Variants in TTLL9 observed in about 807,000 individuals in gnomAD.
TTLL9 encodes probable tubulin polyglutamylase TTLL9.
A neutral mutation model predicts 65.6 loss-of-function variants in TTLL9; 47 were observed. The ratio of observed to expected loss-of-function variants is 0.72; its 90% CI spans 0.57 to 0.91. TTLL9 has a LOEUF of 0.91. Ranked by LOEUF, TTLL9 falls within the 40% of genes least tolerant of loss-of-function variation. The pLI is 0.00. For missense variants in TTLL9, 537 were observed against 568.8 expected (o/e 0.94, Z 0.57); for synonymous variants, 179 against 204.8 (o/e 0.87, Z 1.07).
chr20:31,879,681 G>A, intron 2 of TTLL9: 3 of 742,304 alleles, frequency 4.0e-6, no homozygotes, highest in Non-Finnish European at 4.2e-6. Flanking sequence ...TGAGGAAGTC[G>A]GGGGACCTAG....
chr20:31,903,963 C>A (rs187616656), intron 4 of TTLL9, among the ~76,000 whole-genome samples: 7 of 152,306 alleles, frequency 4.6e-5, no homozygotes, highest in East Asian at 1.9e-4. Context: ...CCTTTTTTAC[C>A]TCAAATATAT....
chr20:31,873,809 G>A (rs2062988677), intron 2 of TTLL9, among the ~76,000 whole-genome samples: 2 of 75,382 alleles, frequency 2.7e-5, no homozygotes, highest in Admixed American at 1.4e-4. Flanking sequence ...AGGAAGGAAG[G>A]AAGGAAGGAA....
intron 7 of TTLL9, 95 bp from the exon 8 acceptor site, chr20:31,922,866 ATT>A: frequency 1.1e-6 from 1 of 947,854 alleles, no homozygotes; most frequent in Admixed American, 1.9e-5. Flanking sequence ...TGATTTAAAG[ATT>A]CAGTGAGCTA....
intron 8 of TTLL9, 96 bp from the exon 9 acceptor site, chr20:31,924,913 G>A: frequency 7.4e-7 from 1 of 1,357,222 alleles, no homozygotes; most frequent in Non-Finnish European, 1.0e-6. Context: ...ATGAAGGCGG[G>A]GTTTCCTGTC....
In TTLL9 at chr20:31,933,816, C is replaced by T. The variant is rs551707579; in HGVS notation, c.765C>T (p.Asn255=). ...GHRRQDVHLT[N]VAVQKTSPDY... The stretch of plus-strand genomic sequence containing the variant: ...CTCTCCCAGATGTTCACCTCACCAA[C>T]GTGGCTGTGCAAAAAACATCTCCCG... Residue 255 remains asparagine (N), a synonymous_variant, in exon 11 of 15, where the codon AAC becomes AAT. Coordinates refer to ENST00000535842, the MANE Select transcript of TTLL9 (RefSeq NM_001008409.5). 1.7e-5 allele frequency: 28 copies of T among 1,614,124 alleles called. No individual in the cohort carries two copies. The Middle Eastern group carries it at 1.3e-3, about 76-fold the overall frequency.
intron 3 of TTLL9, among the ~76,000 whole-genome samples, chr20:31,895,163 A>G (rs1003052056): frequency 6.6e-6 from 1 of 152,224 alleles, no homozygotes; most frequent in African/African-American, 2.4e-5. Flanking sequence ...GAACAAAGGA[A>G]AAGTTTAGGG....
At chr20:31,939,541 C>A in intron 14 of TTLL9, 1 of 275,568 alleles carries the variant, frequency 3.6e-6, no homozygotes, top group South Asian at 9.1e-5. Context: ...CAGACATAAG[C>A]ATCTTTAACA....
At chr20:31,886,458 GCTCTGAGT>G (rs1368561702) in intron 2 of TTLL9, among the ~76,000 whole-genome samples, 2 of 152,168 alleles carry the variant, frequency 1.3e-5, no homozygotes, top group African/African-American at 4.8e-5. Flanking sequence ...AATGAACATT[GCTCTGAGT>G]CTTTGACCTA....
At chr20:31,942,540 G>C (rs1461105103) in intron 14 of TTLL9, among the ~76,000 whole-genome samples, 2 of 152,202 alleles carry the variant, frequency 1.3e-5, no homozygotes, top group African/African-American at 4.8e-5. Flanking sequence ...GTGGGGTAGT[G>C]GTTAAGAGTG....
At chr20:31,884,511 G>A (rs1237375587) in intron 2 of TTLL9, among the ~76,000 whole-genome samples, 1 of 152,174 alleles carries the variant, frequency 6.6e-6, no homozygotes, top group East Asian at 1.9e-4. Context: ...ACAGGTGTGA[G>A]CCACCGAACC....
chr20:31,888,173 C>T (rs2063227519), intron 3 of TTLL9, among the ~76,000 whole-genome samples: 2 of 152,182 alleles, frequency 1.3e-5, no homozygotes, highest in African/African-American at 2.4e-5. Flanking sequence ...CGTGAGCCAC[C>T]ACGCCCAGCC....
chr20:31,876,776 G>A (rs565172966), intron 2 of TTLL9, among the ~76,000 whole-genome samples: 2 of 152,212 alleles, frequency 1.3e-5, no homozygotes, highest in Admixed American at 6.5e-5. Context: ...AAAGGCTCCC[G>A]TTTCCCCACG....
At chr20:31,936,523 C>G (rs1413300933) in intron 12 of TTLL9, among the ~76,000 whole-genome samples, 2 of 152,014 alleles carry the variant, frequency 1.3e-5, no homozygotes, top group African/African-American at 4.8e-5. Context: ...CAGATGATCT[C>G]GCAATTCTGG....
intron 3 of TTLL9, among the ~76,000 whole-genome samples, chr20:31,887,652 T>G (rs2063212386): frequency 6.6e-6 from 1 of 152,146 alleles, no homozygotes; most frequent in Admixed American, 6.6e-5. Context: ...TCAGCTGTGC[T>G]CTGATCTTCT....
At position 31,944,739 on chromosome 20, in the gene TTLL9, TG is replaced by T. The variant is rs2064292238; in HGVS notation, c.*1720del. On this transcript the variant is annotated 3_prime_UTR_variant, in exon 15 of 15. Transcript: ENST00000535842. ...GCTTCTCTTGAAAACACGTAAGAAC[TG>T]GCCATGACAGCCTGTGTTTCTATGT... 6.6e-6 allele frequency: 1 copy of T among 152,228 alleles called. No individual in the cohort carries two copies. Among genetic ancestry groups the T allele is most frequent in the Non-Finnish European group, 1.5e-5 (1 of 68,046 alleles). 9.4% of individuals were successfully genotyped at this position (152,228 alleles called of 1,614,324 possible).
At chr20:31,903,651 G>A (rs2063509462) in intron 4 of TTLL9, among the ~76,000 whole-genome samples, 1 of 152,008 alleles carries the variant, frequency 6.6e-6, no homozygotes, top group Non-Finnish European at 1.5e-5. Flanking sequence ...TATGGTGTGA[G>A]GTAGGTGTCC....
At chr20:31,916,736 G>C (rs116103594) in intron 6 of TTLL9, among the ~76,000 whole-genome samples, 2 of 152,262 alleles carry the variant, frequency 1.3e-5, no homozygotes, top group Non-Finnish European at 2.9e-5. Context: ...CATCATCTCC[G>C]CAGACTGTAG....
At chr20:31,880,778 C>T (rs2063107000) in intron 2 of TTLL9, among the ~76,000 whole-genome samples, 1 of 151,924 alleles carries the variant, frequency 6.6e-6, no homozygotes, top group African/African-American at 2.4e-5. Flanking sequence ...TGAGCCACTG[C>T]GCCCAGCCTC....
intron 8 of TTLL9, among the ~76,000 whole-genome samples, chr20:31,924,013 T>TC (rs904444690): frequency 4.6e-5 from 7 of 151,412 alleles, no homozygotes; most frequent in African/African-American, 1.7e-4. Flanking sequence ...TGCCCTCCCA[T>TC]CCCCCCACCA....
Sources: gnomAD v4.1 joint callset for allele counts (sites outside exome capture counted in the v4.1 genomes callset) on GRCh38, gnomAD v4.1.1 for gene constraint, MANE v1.5 for transcripts, NCBI Gene and HGNC (gene_info 2026-07-23, HGNC 2026-07-21) for gene names.